The following RASGRF1 variants were observed in gnomAD, a reference collection of about 807,000 sequenced individuals.
The protein encoded by RASGRF1 is Ras protein specific guanine nucleotide releasing factor 1, also known as ras-specific guanine nucleotide-releasing factor 1.
Under a neutral mutation model 138.7 loss-of-function variants are expected in RASGRF1, and 40 were observed. That is an observed-to-expected ratio of 0.29 (90% CI 0.22 to 0.38). The LOEUF is 0.38. Among genes scored for constraint, RASGRF1 ranks in the 10% least tolerant of loss-of-function variants. The pLI, the probability that RASGRF1 is intolerant of heterozygous loss-of-function variation, is 1.00. For synonymous variants in RASGRF1, 614 were observed against 663.2 expected, an observed-to-expected ratio of 0.93 and a Z score of 1.14; for missense variants, 1,108 against 1,650.4, an observed-to-expected ratio of 0.67 and a Z score of 5.69.
In RASGRF1 at chr15:79,049,492, T is replaced by C. The variant is rs1018054708; in HGVS notation, c.624+4A>G. ...AGAAGGCCACCCAGAGGGATAGCAC[T>C]GACCTTCTTAATTTTCTTGATGTCG... is the stretch of plus-strand genomic sequence containing the variant. On this transcript the variant is annotated splice_donor_region_variant and intron_variant, in intron 4 of 26. Transcript: ENST00000558480. 1 of 1,613,774 alleles carries C rather than the reference T, an allele frequency of 6.2e-7. No homozygotes were observed. The highest frequency in any genetic ancestry group is 8.5e-7 in the Non-Finnish European group (1 of 1,179,812).
At chr15:79,024,930 ACAC>A (rs1346904041) in intron 10 of RASGRF1, among the ~76,000 whole-genome samples, 10 of 151,914 alleles carry the variant, frequency 6.6e-5, no homozygotes, top group South Asian at 2.1e-4. Context: ...ACATACACAC[ACAC>A]CACATATACA....
chr15:78,990,965 G>A (rs910577184), intron 21 of RASGRF1, among the ~76,000 whole-genome samples: 1 of 152,246 alleles, frequency 6.6e-6, no homozygotes, highest in African/African-American at 2.4e-5. Flanking sequence ...AGAGTGCCAG[G>A]TGGGGCTGAG....
chr15:78,961,995 C>A lies in RASGRF1; in HGVS notation c.*149G>T. On this transcript the variant is annotated 3_prime_UTR_variant, in exon 27 of 27. Transcript: ENST00000558480. ...CTGAAACGGTGCAGAAATTCATATT[C>A]CGGTTCTACAGGAATCTAAGAACAA... 1.6e-6 allele frequency: 1 copy of A among 609,888 alleles called. No individual in the cohort carries two copies. The highest frequency in any genetic ancestry group is 2.9e-6 in the Non-Finnish European group (1 of 344,502). 37.8% of individuals were successfully genotyped at this position (609,888 alleles called of 1,614,324 possible).
intron 24 of RASGRF1, among the ~76,000 whole-genome samples, chr15:78,979,572 G>A (rs1239067040): frequency 2.0e-5 from 3 of 152,228 alleles, no homozygotes; most frequent in Non-Finnish European, 1.5e-5. Context: ...GGAAAGGAGG[G>A]TTGAGACTAG....
chr15:78,962,555 T>C (rs1029044085), intron 26 of RASGRF1, among the ~76,000 whole-genome samples: 2 of 152,242 alleles, frequency 1.3e-5, no homozygotes, highest in Non-Finnish European at 1.5e-5. Context: ...TTGATCTGTC[T>C]GTCACAATTC....
At chr15:79,047,032 G>T (rs1442486734) in intron 4 of RASGRF1, 33 bp from the exon 5 acceptor site, 2 of 1,597,344 alleles carry the variant, frequency 1.3e-6, no homozygotes, top group Admixed American at 1.7e-5. Context: ...AGAGGCTCCT[G>T]TCAGGGAGTC....
rs149793671 is a variant in RASGRF1 at position 79,055,576 on chromosome 15, A to G, written c.531+2758T>C. On this transcript the variant is annotated intron_variant, in intron 3 of 26. Transcript: ENST00000558480. Reference sequence around the variant, plus strand: ...GGTCTCTGCTGCCATTTTGAGACACACACACACACACACACACTCTCTCAC... The same window carrying G: ...GGTCTCTGCTGCCATTTTGAGACACGCACACACACACACACACTCTCTCAC... Among the ~76,000 whole-genome samples the G allele has an allele frequency of 2.5e-3, 380 of 150,864 alleles. 2 individuals are homozygous for G. The highest frequency in any genetic ancestry group is 8.8e-3 in the African/African-American group (355 of 40,318).
rs749462256 is a variant in RASGRF1, at chr15:78,985,173, C to T, written c.3248G>A (p.Arg1083His). 6.8e-6 allele frequency: 11 copies of T among 1,611,726 alleles called. No individual in the cohort carries two copies. Among genetic ancestry groups the T allele is most frequent in the East Asian group, 2.2e-5 (1 of 44,878 alleles). The change falls in exon 23 of 27, where the codon CGC (arginine) becomes CAC (histidine). Residue 1083 changes from arginine (R) to histidine (H), a missense_variant. By Grantham distance (29) the Arg-to-His change is conservative (BLOSUM62 0). This residue lies in a region of RASGRF1 where 686 missense variants were observed against 976.7 expected (regional missense o/e 0.70). Coordinates refer to ENST00000558480, the MANE Select transcript of RASGRF1 (RefSeq NM_001145648.3). ...ISNLIASEII[R>H]NEDINARVSA... ...CACCCTGGCGTTGATGTCCTCATTG[C>T]GGATGATTTCTGAAGCAATCAAGTT...
chr15:79,058,532 C>A (rs764776745), intron 2 of RASGRF1, 51 bp from the exon 3 acceptor site: 2 of 1,599,502 alleles, frequency 1.3e-6, no homozygotes, highest in Non-Finnish European at 1.7e-6. Context: ...TGTCCTCTGG[C>A]GAACCAAGCA....
chr15:79,044,408 T>G (rs1022789507), intron 5 of RASGRF1, among the ~76,000 whole-genome samples: 1 of 152,218 alleles, frequency 6.6e-6, no homozygotes, highest in Non-Finnish European at 1.5e-5. Flanking sequence ...ATGGTAAACA[T>G]CTGCTGGATC....
chr15:79,027,683 C>G lies in RASGRF1; in HGVS notation c.1381+58G>C. 1 of 1,542,502 alleles carries G rather than the reference C, an allele frequency of 6.5e-7. No individual in the cohort carries two copies. Among genetic ancestry groups the G allele is most frequent in the Non-Finnish European group, 8.9e-7 (1 of 1,120,178 alleles). On this transcript the variant is annotated intron_variant, in intron 9 of 26. Coordinates refer to ENST00000558480, the MANE Select transcript of RASGRF1 (RefSeq NM_001145648.3). This position sits in a 1 kb window ranked among gnomAD's most constrained non-coding sequence, Gnocchi z 4.8. ...GGTGGCGTCCCCGAGTGCCGCCTCC[C>G]TCCCGCTGCTGGGGCCCACCTGGTG...
At chr15:79,069,007 G>A (rs115128106) in intron 1 of RASGRF1, among the ~76,000 whole-genome samples, 279 of 152,204 alleles carry the variant, frequency 1.8e-3, no homozygotes, top group African/African-American at 6.4e-3. Context: ...GCTTGGGGGT[G>A]GGGGGTGTCT....
Position 79,009,285 on chromosome 15 carries a change from TA to T in RASGRF1, c.1827-2852del, listed in dbSNP as rs377410392. On this transcript the variant is annotated intron_variant, in intron 13 of 26. Transcript: ENST00000558480. ...TGATCATTTTTCCTTTAGTCAACAC[TA>T]AAAGTCTCAAAAGGAAGGTGAGAAA... Among the ~76,000 whole-genome samples, 21 of 152,280 alleles carry T rather than the reference TA, an allele frequency of 1.4e-4. No homozygotes were observed. In the East Asian group the frequency reaches 2.7e-3, roughly 20 times the overall value.
intron 1 of RASGRF1, among the ~76,000 whole-genome samples, chr15:79,080,960 G>A (rs2057906661): frequency 6.6e-6 from 1 of 152,254 alleles, no homozygotes; most frequent in Admixed American, 6.5e-5. Flanking sequence ...AGCCTCGTCT[G>A]TCAAATGAGG....
rs2058044724 is a variant in RASGRF1, at chr15:79,090,663, C to T, written c.-165G>A. On this transcript the variant is annotated 5_prime_UTR_variant, in exon 1 of 27. Coordinates refer to ENST00000558480, the MANE Select transcript of RASGRF1 (RefSeq NM_001145648.3). Reference sequence around the variant, plus strand: ...CACTCCAGGATCTGGCGCCGAGCCGCGGCTTCTTGAATCCAGATATACCAT... The same window carrying T: ...CACTCCAGGATCTGGCGCCGAGCCGTGGCTTCTTGAATCCAGATATACCAT... The T allele has an allele frequency of 4.1e-6, 4 of 972,374 alleles. No homozygotes were observed. Among genetic ancestry groups the T allele is most frequent in the Non-Finnish European group, 5.9e-6 (4 of 672,948 alleles). The allele number at this position is 972,374 out of a possible 1,614,324, so 60.2% of individuals were successfully genotyped here.
intron 8 of RASGRF1, among the ~76,000 whole-genome samples, chr15:79,029,418 A>G (rs1012785181): frequency 1.6e-4 from 25 of 152,230 alleles, no homozygotes; most frequent in African/African-American, 5.5e-4. Flanking sequence ...ATTCCAAGGT[A>G]GCAAAACTAG....
intron 13 of RASGRF1, among the ~76,000 whole-genome samples, chr15:79,008,790 G>T (rs2056736052): frequency 6.6e-6 from 1 of 152,150 alleles, no homozygotes; most frequent in Non-Finnish European, 1.5e-5. Flanking sequence ...AACGAGAGAA[G>T]CCACGCCTGC....
chr15:79,014,565 A>T (rs12914423), intron 13 of RASGRF1, among the ~76,000 whole-genome samples: 3,292 of 152,302 alleles, frequency 0.022, 52 homozygotes, highest in Non-Finnish European at 0.035. Flanking sequence ...TAAGAATGAC[A>T]CAGTGGACTT....
At chr15:79,049,710 C>A (rs1166050943) in intron 3 of RASGRF1, 122 bp from the exon 4 acceptor site, 4 of 717,722 alleles carry the variant, frequency 5.6e-6, no homozygotes, top group Non-Finnish European at 9.2e-6. Flanking sequence ...TCCCCAAGAG[C>A]CATGATGCCA....
Sources: allele counts gnomAD v4.1 joint callset (sites outside exome capture counted in the v4.1 genomes callset), GRCh38; gene constraint gnomAD v4.1.1; regional missense constraint gnomAD v4.1.1; non-coding constraint Gnocchi (gnomAD v3.1); transcripts MANE v1.5; gene names NCBI Gene and HGNC (gene_info 2026-07-23, HGNC 2026-07-21).